Variants in C3 observed in about 807,000 individuals in gnomAD.
C3 encodes C3 and PZP-like alpha-2-macroglobulin domain-containing protein 1.
Under a neutral mutation model 207.9 loss-of-function variants are expected in C3, and 97 were observed. The ratio of observed to expected loss-of-function variants is 0.47; its 90% confidence interval spans 0.40 to 0.55. The LOEUF (loss-of-function observed/expected upper bound fraction) is 0.55, where lower values mean the gene tolerates loss of function less well. Ranked by LOEUF, C3 falls within the 20% of genes least tolerant of loss-of-function variation. C3 has a pLI of 0.00. For missense variants in C3, 1,684 were observed against 2,171.7 expected, an observed-to-expected ratio of 0.78 and a Z score of 4.46; for synonymous variants, 848 against 857.6, an observed-to-expected ratio of 0.99 and a Z score of 0.20.
chr19:6,719,365 C>A lies in C3; in HGVS notation c.113G>T (p.Ser38Ile). ...GGCCTCCAGCACCATGGTCTCCTCG[C>A]TCTCCAGCCGCAAGATGTTGGGGGT... ...IITPNILRLESEETMVLEAHD... is the reference protein window; with the variant it reads ...IITPNILRLEIEETMVLEAHD... Residue 38 changes from serine (S) to isoleucine (I), a missense_variant, in exon 2 of 41, where the codon AGC becomes ATC. Coordinates refer to ENST00000245907, the MANE Select transcript of C3 (RefSeq NM_000064.4). The surrounding 1 kb of genome is among the most constrained non-coding windows in gnomAD (Gnocchi z 5.4). 1 of 1,613,972 alleles carries A rather than the reference C, an allele frequency of 6.2e-7. No homozygotes were observed. The highest frequency in any genetic ancestry group is 1.1e-5 in the South Asian group (1 of 91,074).
rs2270520 is a variant in C3, at chr19:6,719,655, A to G, written c.75-252T>C. Among the ~76,000 whole-genome samples the G allele has an allele frequency of 0.22, 34,092 of 151,896 alleles. 4,325 individuals carry two copies. Among genetic ancestry groups the G allele is most frequent in the East Asian group, 0.44 (2,285 of 5,166 alleles). ...GGCCTGGCCTTTGAAAGCCTGGGCA[A>G]CGAGGGGGCCACACATCCCACCAAA... On this transcript the variant is annotated intron_variant, in intron 1 of 40. Coordinates refer to ENST00000245907, the MANE Select transcript of C3 (RefSeq NM_000064.4). This position sits in a 1 kb window ranked among gnomAD's most constrained non-coding sequence, Gnocchi z 5.4.
intron 14 of C3, among the ~76,000 whole-genome samples, chr19:6,709,326 T>C (rs1967854959): frequency 6.6e-6 from 1 of 152,170 alleles, no homozygotes; most frequent in Non-Finnish European, 1.5e-5. Context: ...TGGGCACCTG[T>C]AGTCCCAGCT....
At chr19:6,708,530 T>C (rs1179501749) in intron 14 of C3, among the ~76,000 whole-genome samples, 1 of 148,994 alleles carries the variant, frequency 6.7e-6, no homozygotes, top group African/African-American at 2.5e-5. Context: ...CTTTCCTCCT[T>C]CCTTTGCTCC....
At chr19:6,694,958 A>G (rs1967500400) in intron 23 of C3, among the ~76,000 whole-genome samples, 1 of 152,156 alleles carries the variant, frequency 6.6e-6, no homozygotes, top group Admixed American at 6.5e-5. Context: ...CTAAGAGAAT[A>G]CCATAGAGTG....
chr19:6,689,352 C>CTACCT (rs1918106817), intron 27 of C3, among the ~76,000 whole-genome samples: 1 of 57,522 alleles, frequency 1.7e-5, no homozygotes, highest in African/African-American at 1.0e-4. Context: ...TCCCTCCCTC[C>CTACCT]CTCCCTCCCT....
Position 6,707,841 on chromosome 19 carries a change from G to C in C3, c.1934C>G (p.Thr645Ser), listed in dbSNP as rs749155929. 1.2e-6 allele frequency: 2 copies of C among 1,613,848 alleles called. No individual in the cohort carries two copies. Among genetic ancestry groups the C allele is most frequent in the African/African-American group, 2.7e-5 (2 of 74,922 alleles). Residue 645 changes from threonine (T) to serine (S), a missense_variant, in exon 15 of 41, where the codon ACC becomes AGC. By Grantham distance (58) the Thr-to-Ser change is moderately conservative. Transcript: ENST00000245907. ...YAGVFSDAGL[T>S]FTSSSGQQTA... ...CTGCTGGCCACTGCTGCTCGTGAAG[G>C]TCAGCCCTGCGTCGGAGAAGACACC... is the stretch of plus-strand genomic sequence containing the variant.
chr19:6,684,320 TA>T (rs1917940627), intron 33 of C3, 67 bp downstream of exon 33: 1 of 1,200,544 alleles, frequency 8.3e-7, no homozygotes, highest in South Asian at 1.2e-5. Context: ...TCATGGATAT[TA>T]TTTGCAAGAA....
chr19:6,702,657 G>A (rs1967699770), intron 17 of C3, 78 bp from the exon 18 acceptor site: 2 of 988,866 alleles, frequency 2.0e-6, no homozygotes, highest in South Asian at 2.6e-5. Context: ...CAGCACTTAG[G>A]GAGGCCAAGG....
In C3 at chr19:6,697,801, G is replaced by A. The variant is rs372528487; in HGVS notation, c.2441-7C>T. 55 of 1,611,394 alleles carry A rather than the reference G, an allele frequency of 3.4e-5. 1 individual carries two copies. The Middle Eastern group carries it at 2.1e-3, about 61-fold the overall frequency. Reference sequence around the variant, plus strand: ...GGGTCTGCCACACAGATCCCTGCTCGGGCAGAGACAGAACACGGAGTGTCA... The same window carrying A: ...GGGTCTGCCACACAGATCCCTGCTCAGGCAGAGACAGAACACGGAGTGTCA... On this transcript the variant is annotated splice_polypyrimidine_tract_variant and splice_region_variant and intron_variant, in intron 19 of 40. Transcript: ENST00000245907.
At chr19:6,684,702 TG>T in intron 31 of C3, 52 bp from the exon 32 acceptor site, 1 of 1,602,832 alleles carries the variant, frequency 6.2e-7, no homozygotes, top group Non-Finnish European at 8.5e-7. Flanking sequence ...CTAGGACTGC[TG>T]GGGACAAGAG....
At chr19:6,707,323 A>T in intron 16 of C3, 50 bp from the exon 17 acceptor site, 1 of 1,602,214 alleles carries the variant, frequency 6.2e-7, no homozygotes, top group South Asian at 1.1e-5. Context: ...GGGGGCCGGC[A>T]GCAGGAGGGA....
chr19:6,711,436 G>C lies in C3; in HGVS notation c.1270-240C>G, dbSNP rs146884109. 4.6e-3 allele frequency among the ~76,000 whole-genome samples: 704 copies of C among 152,254 alleles called. 5 individuals are homozygous for C. Among genetic ancestry groups the C allele is most frequent in the African/African-American group, 0.016 (668 of 41,528 alleles). Reference sequence around the variant, plus strand: ...AGAGACAGAGACAGAGAGAAAGAGAGACACTGGAAGATGCTATGCTGCTGC... The same window carrying C: ...AGAGACAGAGACAGAGAGAAAGAGACACACTGGAAGATGCTATGCTGCTGC... On this transcript the variant is annotated intron_variant, in intron 11 of 40. Coordinates refer to ENST00000245907, the MANE Select transcript of C3 (RefSeq NM_000064.4).
intron 26 of C3, among the ~76,000 whole-genome samples, chr19:6,692,191 C>A (rs1018461814): frequency 1.3e-5 from 2 of 152,152 alleles, no homozygotes; most frequent in African/African-American, 4.8e-5. Context: ...CAGCCTCGAC[C>A]TCCTGGGCTC....
At chr19:6,704,439 G>GTTT (rs1967731760) in intron 17 of C3, among the ~76,000 whole-genome samples, 1 of 152,082 alleles carries the variant, frequency 6.6e-6, no homozygotes, top group South Asian at 2.1e-4. Flanking sequence ...CAAAGTAGCT[G>GTTT]GAATCCCTTA....
intron 23 of C3, 32 bp from the exon 24 acceptor site, chr19:6,694,666 G>A: frequency 1.3e-6 from 2 of 1,597,984 alleles, no homozygotes; most frequent in Non-Finnish European, 1.7e-6. Flanking sequence ...CGTTGCTCAA[G>A]CCAGGTGGGT....
At chr19:6,712,773 C>G in intron 9 of C3, 150 bp from the exon 10 acceptor site, 1 of 730,022 alleles carries the variant, frequency 1.4e-6, no homozygotes, top group Non-Finnish European at 2.4e-6. Flanking sequence ...TCAGACTGGA[C>G]TCCACCTTTA....
intron 27 of C3, among the ~76,000 whole-genome samples, chr19:6,689,364 T>C (rs867426859): frequency 1.9e-4 from 14 of 74,270 alleles, no homozygotes; most frequent in East Asian, 3.5e-4. Context: ...TCCCTCCCTC[T>C]CTCTCTCTCT....
At chr19:6,710,348 G>C (rs765855683) in intron 13 of C3, among the ~76,000 whole-genome samples, 9 of 138,472 alleles carry the variant, frequency 6.5e-5, no homozygotes, top group Non-Finnish European at 1.4e-4. Context: ...AGAGAGAGAG[G>C]GAGAGAGAAA....
chr19:6,689,350 TCCCTCCCTCC>T (rs1918106525), intron 27 of C3, among the ~76,000 whole-genome samples: 26 of 20,582 alleles, frequency 1.3e-3, no homozygotes, highest in East Asian at 1.8e-3. Flanking sequence ...CCTCCCTCCC[TCCCTCCCTCC>T]CTCTCTCTCT....
Sources: allele counts gnomAD v4.1 joint callset (sites outside exome capture counted in the v4.1 genomes callset), GRCh38; gene constraint gnomAD v4.1.1; non-coding constraint Gnocchi (gnomAD v3.1); transcripts MANE v1.5; gene names NCBI Gene and HGNC (gene_info 2026-07-23, HGNC 2026-07-21).